NR3C1: variants seen among roughly 807,000 people sequenced by gnomAD.
NR3C1 encodes glucocorticoid receptor.
In NR3C1, 14 loss-of-function variants were observed where a neutral mutation model predicts 74.0. That is an observed-to-expected ratio of 0.19 (90% confidence interval 0.12 to 0.30). The LOEUF is 0.30. Ranked by LOEUF, NR3C1 falls within the 10% of genes least tolerant of loss-of-function variation. NR3C1 has a pLI of 1.00. For missense variants in NR3C1, 695 were observed against 909.8 expected, an observed-to-expected ratio of 0.76 and a Z score of 3.04; for synonymous variants, 308 against 332.5, an observed-to-expected ratio of 0.93 and a Z score of 0.80.
chr5:143,383,851 G>A (rs908691357), intron 2 of NR3C1, among the ~76,000 whole-genome samples: 6 of 152,046 alleles, frequency 3.9e-5, no homozygotes, highest in Non-Finnish European at 8.8e-5. Context: ...CATAATCCTC[G>A]AAAAAAGTAA....
intron 2 of NR3C1, among the ~76,000 whole-genome samples, chr5:143,367,861 A>C (rs1381413593): frequency 6.6e-6 from 1 of 152,228 alleles, no homozygotes; most frequent in East Asian, 1.9e-4. Flanking sequence ...TCTGAACTTC[A>C]ATTGCCTCTT....
chr5:143,287,463 G>A (rs890594408), intron 7 of NR3C1, among the ~76,000 whole-genome samples: 1 of 151,962 alleles, frequency 6.6e-6, no homozygotes, highest in African/African-American at 2.4e-5. Flanking sequence ...ACAAAACTAT[G>A]TCAAGGAAAA....
At chr5:143,326,061 CT>C (rs1181447938) in intron 2 of NR3C1, among the ~76,000 whole-genome samples, 5 of 152,268 alleles carry the variant, frequency 3.3e-5, no homozygotes, top group African/African-American at 1.2e-4. Flanking sequence ...AATAAATTAT[CT>C]CAAATAATTT....
intron 1 of NR3C1, among the ~76,000 whole-genome samples, chr5:143,433,468 ATATT>A (rs1561822145): frequency 2.6e-5 from 1 of 38,354 alleles, no homozygotes; most frequent in African/African-American, 7.4e-5. Flanking sequence ...ATATATATAT[ATATT>A]TAATTTCATC....
chr5:143,293,993 G>A (rs894806731), intron 7 of NR3C1: 31 of 984,754 alleles, frequency 3.1e-5, no homozygotes, highest in South Asian at 4.7e-5. Flanking sequence ...CAAGTGTACC[G>A]CTACAGGTAA....
intron 6 of NR3C1, among the ~76,000 whole-genome samples, chr5:143,296,107 T>C (rs1817115231): frequency 6.6e-6 from 1 of 152,180 alleles, no homozygotes; most frequent in Non-Finnish European, 1.5e-5. Flanking sequence ...CTGACAGGCA[T>C]ATGCCTTAAT....
chr5:143,418,820 A>G (rs1227850550), intron 1 of NR3C1, among the ~76,000 whole-genome samples: 3 of 152,318 alleles, frequency 2.0e-5, no homozygotes, highest in Non-Finnish European at 4.4e-5. Context: ...CGAGGGCAGA[A>G]CTAGAAAGAA....
intron 2 of NR3C1, among the ~76,000 whole-genome samples, chr5:143,320,657 T>C (rs1435722684): frequency 6.6e-6 from 1 of 152,226 alleles, no homozygotes; most frequent in Non-Finnish European, 1.5e-5. Flanking sequence ...TCTTAGGTCC[T>C]GTGTATTTAT....
chr5:143,373,533 G>A (rs552913065), intron 2 of NR3C1, among the ~76,000 whole-genome samples: 2 of 152,112 alleles, frequency 1.3e-5, no homozygotes, highest in South Asian at 2.1e-4. Context: ...GATGGGTGCA[G>A]CAAACCAACA....
chr5:143,314,170 T>C lies in NR3C1; in HGVS notation c.1185-2A>G, dbSNP rs770466966. 1.2e-6 allele frequency: 2 copies of C among 1,613,632 alleles called. No individual in the cohort carries two copies. The highest frequency in any genetic ancestry group is 1.1e-5 in the South Asian group (1 of 91,048). On this transcript the variant is annotated splice_acceptor_variant, in intron 2 of 8. Transcript: ENST00000394464. LOFTEE classifies it high-confidence loss of function. ...CTTACATCTGGTCTCATGCTGGGGC[T>C]AAAGAAGGGGAAGAACAGTGTTATG...
rs771809153 is a variant in NR3C1, at chr5:143,400,241, G to C, written c.599C>G (p.Ser200Cys). The stretch of plus-strand genomic sequence containing the variant: ...CGTCTCTTTACCTGGGGACCCAGAA[G>C]AAAACTCCAAATCCTGCAAAATGTC... ...TFDILQDLEF[S>C]SGSPGKETNE... Residue 200 changes from serine (S) to cysteine (C), a missense_variant, in exon 2 of 9, where the codon TCT becomes TGT. Physicochemically the swap from Ser to Cys is moderately radical, Grantham distance 112 (BLOSUM62 -1). Around this residue, in one of 4 missense-constraint regions of NR3C1, gnomAD observed 497 missense variants for 489.5 expected, o/e 1.02. Transcript: ENST00000394464. The C allele has an allele frequency of 2.5e-6, 4 of 1,598,172 alleles. No homozygotes were observed. The highest frequency in any genetic ancestry group is 3.4e-6 in the Non-Finnish European group (4 of 1,173,568).
At chr5:143,284,645 TTTTTAATG>T (rs1813908576) in intron 7 of NR3C1, among the ~76,000 whole-genome samples, 1 of 152,202 alleles carries the variant, frequency 6.6e-6, no homozygotes, top group African/African-American at 2.4e-5. Context: ...CTTAAATTTT[TTTTTAATG>T]TTTTAATATT....
At chr5:143,283,958 T>C (rs1813705008) in intron 7 of NR3C1, among the ~76,000 whole-genome samples, 1 of 152,220 alleles carries the variant, frequency 6.6e-6, no homozygotes, top group Non-Finnish European at 1.5e-5. Flanking sequence ...GATATAACTG[T>C]GCACTCTCCA....
At chr5:143,313,555 A>G (rs1821412741) in intron 3 of NR3C1, among the ~76,000 whole-genome samples, 1 of 152,104 alleles carries the variant, frequency 6.6e-6, no homozygotes, top group South Asian at 2.1e-4. Flanking sequence ...GAAAAAAAAA[A>G]TGAATAAGAA....
intron 7 of NR3C1, among the ~76,000 whole-genome samples, chr5:143,286,468 T>TATTATACC (rs1285558237): frequency 1.3e-5 from 2 of 152,254 alleles, no homozygotes; most frequent in Non-Finnish European, 2.9e-5. Context: ...TTAAACAGTA[T>TATTATACC]ATTATACCAT....
upstream of NR3C1, chr5:143,405,185 G>A: frequency 1.0e-6 from 1 of 985,612 alleles, no homozygotes; most frequent in Middle Eastern, 5.2e-4. Context: ...TGTGACTCTG[G>A]GAAAGGTTGT....
rs138577103 is a variant in NR3C1, at chr5:143,328,765, C to T, written c.1185-14597G>A. Among the ~76,000 whole-genome samples the T allele has an allele frequency of 5.3e-4, 80 of 152,334 alleles. 2 individuals carry two copies. In the East Asian group the frequency reaches 0.014, roughly 26 times the overall value. The stretch of plus-strand genomic sequence containing the variant: ...AGGGCAGGGGTAAAATGCTGCCAGT[C>T]TTTTTGCTAAAGCATAGCAAAAATA... On this transcript the variant is annotated intron_variant, in intron 2 of 8. Transcript: ENST00000394464.
At chr5:143,295,300 T>C (rs747534340) in intron 7 of NR3C1, 160 bp downstream of exon 7, 44 of 985,224 alleles carry the variant, frequency 4.5e-5, no homozygotes, top group Non-Finnish European at 4.8e-5. Flanking sequence ...TGTCACTTAC[T>C]GTGCCTTTCT....
chr5:143,349,693 C>T (rs142714431), intron 2 of NR3C1, among the ~76,000 whole-genome samples: 5 of 152,128 alleles, frequency 3.3e-5, no homozygotes, highest in East Asian at 1.9e-4. Flanking sequence ...TTTCTTCATA[C>T]ATCTAACAAA....
Sources: allele counts gnomAD v4.1 joint callset (sites outside exome capture counted in the v4.1 genomes callset), GRCh38; gene constraint gnomAD v4.1.1; regional missense constraint gnomAD v4.1.1; transcripts MANE v1.5; gene names NCBI Gene and HGNC (gene_info 2026-07-23, HGNC 2026-07-21).